The following XIRP2 variants were observed in gnomAD, a reference collection of about 807,000 sequenced individuals.
The protein encoded by XIRP2 is xin actin binding repeat containing 2.
In XIRP2, 236 loss-of-function variants were observed where a neutral mutation model predicts 277.0. That is an observed-to-expected ratio of 0.85 (90% CI 0.77 to 0.95). The LOEUF (loss-of-function observed/expected upper bound fraction) is 0.95. XIRP2 is among the 40% of genes least tolerant of loss of function. The probability of loss-of-function intolerance (pLI) is 0.00; values close to 1 mark genes in which losing one functional copy is unlikely to be tolerated. For synonymous variants in XIRP2, 1,490 were observed against 1,416.5 expected, an observed-to-expected ratio of 1.05 and a Z score of -1.17; for missense variants, 4,640 against 4,157.5, an observed-to-expected ratio of 1.12 and a Z score of -3.19.
chr2:166,895,924 T>C (rs1464443569), intron 1 of XIRP2, among the ~76,000 whole-genome samples: 1 of 152,310 alleles, frequency 6.6e-6, no homozygotes, highest in African/African-American at 2.4e-5. Context: ...TACATAGATA[T>C]ACTAAGAAGA....
intron 3 of XIRP2, among the ~76,000 whole-genome samples, chr2:167,196,454 A>T (rs73970886): frequency 9.0e-6 from 1 of 110,946 alleles, no homozygotes; most frequent in South Asian, 3.0e-4. Context: ...GTGTGTGTAG[A>T]CTGGCCACGA....
Position 167,250,222 on chromosome 2 carries a change from A to G in XIRP2, c.8830A>G (p.Ile2944Val), listed in dbSNP as rs781323589. 15 of 1,613,536 alleles carry G rather than the reference A, an allele frequency of 9.3e-6. No homozygotes were observed. In the South Asian group the frequency reaches 1.3e-4, roughly 14 times the overall value. The change falls in exon 9 of 11, where the codon ATA becomes GTA. Residue 2944 changes from isoleucine to valine, a missense_variant. Transcript: ENST00000409195. ...GGATGATGGAAAAGGTGCCTTAAAT[A>G]TAGTGGAATTCTTGAGAAAACGTGA... ...QRDDGKGALN[I>V]VEFLRKREEL...
intron 2 of XIRP2, among the ~76,000 whole-genome samples, chr2:166,907,869 G>GT (rs1471223428): frequency 6.7e-6 from 1 of 149,292 alleles, no homozygotes; most frequent in South Asian, 2.1e-4. Context: ...GCAGTGTTTG[G>GT]TTTTTTGTCT....
At chr2:166,988,220 C>T (rs1687065623) in intron 2 of XIRP2, among the ~76,000 whole-genome samples, 1 of 152,088 alleles carries the variant, frequency 6.6e-6, no homozygotes, top group African/African-American at 2.4e-5. Flanking sequence ...TGTATTATTG[C>T]CAAATACCTG....
chr2:166,951,293 A>G (rs545251152), intron 2 of XIRP2, among the ~76,000 whole-genome samples: 17 of 152,156 alleles, frequency 1.1e-4, no homozygotes, highest in African/African-American at 4.1e-4. Flanking sequence ...CAGGCTGTAC[A>G]GGAAGCATGG....
At chr2:166,919,311 A>G (rs566254031) in intron 2 of XIRP2, among the ~76,000 whole-genome samples, 1 of 152,294 alleles carries the variant, frequency 6.6e-6, no homozygotes, top group South Asian at 2.1e-4. Context: ...AGCTCCATTA[A>G]TGTTTCTCAT....
At chr2:166,967,730 T>C (rs1310778680) in intron 2 of XIRP2, among the ~76,000 whole-genome samples, 3 of 151,986 alleles carry the variant, frequency 2.0e-5, no homozygotes, top group East Asian at 1.9e-4. Flanking sequence ...GTCAGTAGTT[T>C]TACTATTTCA....
intron 2 of XIRP2, among the ~76,000 whole-genome samples, chr2:167,109,290 CT>C (rs1240263710): frequency 5.3e-5 from 8 of 151,890 alleles, no homozygotes; most frequent in Non-Finnish European, 1.0e-4. Flanking sequence ...TCTCCTTCTC[CT>C]TCTCCTTCCA....
At chr2:166,916,245 T>A (rs1213841327) in intron 2 of XIRP2, among the ~76,000 whole-genome samples, 1 of 152,210 alleles carries the variant, frequency 6.6e-6, no homozygotes, top group Non-Finnish European at 1.5e-5. Flanking sequence ...CATTAGATGC[T>A]AGAATTTATC....
intron 2 of XIRP2, among the ~76,000 whole-genome samples, chr2:167,114,129 T>A (rs1690831038): frequency 6.6e-6 from 1 of 152,190 alleles, no homozygotes; most frequent in Non-Finnish European, 1.5e-5. Context: ...TTCTGCAACA[T>A]CTTGCAGGGG....
rs2105440761 is a variant in XIRP2 at position 167,246,818 on chromosome 2, T to A, written c.5426T>A (p.Ile1809Asn). The change falls in exon 9 of 11, where the codon ATC becomes AAC. Residue 1809 changes from isoleucine to asparagine, a missense_variant. By Grantham distance (149) the Ile-to-Asn change is moderately radical. Coordinates refer to ENST00000409195, the MANE Select transcript of XIRP2 (RefSeq NM_152381.6). ...VERTVSETDI[I>N]PGDVHNTVKV... is the part of the protein sequence containing the mutation. ...CGTACTGTTAGTGAAACTGACATCA[T>A]CCCTGGAGATGTGCATAACACAGTT... The A allele has an allele frequency of 6.2e-7, 1 of 1,613,852 alleles. No individual in the cohort carries two copies. Among genetic ancestry groups the A allele is most frequent in the African/African-American group, 1.3e-5 (1 of 74,998 alleles).
chr2:167,048,435 A>T (rs1168705919), intron 2 of XIRP2, among the ~76,000 whole-genome samples: 1 of 151,916 alleles, frequency 6.6e-6, no homozygotes, highest in Non-Finnish European at 1.5e-5. Context: ...CAATCTGATG[A>T]TTCTAATAAT....
intron 2 of XIRP2, among the ~76,000 whole-genome samples, chr2:167,021,677 T>C (rs1687986287): frequency 6.6e-6 from 1 of 151,790 alleles, no homozygotes; most frequent in Non-Finnish European, 1.5e-5. Flanking sequence ...AATAAAAAAT[T>C]AGGCCAGTGT....
intron 3 of XIRP2, among the ~76,000 whole-genome samples, chr2:167,168,654 G>A (rs768671738): frequency 2.0e-5 from 3 of 151,948 alleles, no homozygotes; most frequent in African/African-American, 7.3e-5. Context: ...TCGCTCTGTC[G>A]CCCAGGCTGG....
chr2:167,023,790 G>T (rs1261512632), intron 2 of XIRP2, among the ~76,000 whole-genome samples: 1 of 151,930 alleles, frequency 6.6e-6, no homozygotes, highest in Non-Finnish European at 1.5e-5. Context: ...ATTTCTGAGG[G>T]ATCTGTTCTG....
In XIRP2 at chr2:167,246,831, G is replaced by A. The variant is rs938825834; in HGVS notation, c.5439G>A (p.Val1813=). The change falls in exon 9 of 11, where the codon GTG becomes GTA. Residue 1813 remains valine, a synonymous_variant. Coordinates refer to ENST00000409195, the MANE Select transcript of XIRP2 (RefSeq NM_152381.6). ...VSETDIIPGD[V]HNTVKVFMTE... The stretch of plus-strand genomic sequence containing the variant: ...AAACTGACATCATCCCTGGAGATGT[G>A]CATAACACAGTTAAGGTTTTTATGA... 6.2e-7 allele frequency: 1 copy of A among 1,613,728 alleles called. No individual in the cohort carries two copies. Among genetic ancestry groups the A allele is most frequent in the Non-Finnish European group, 8.5e-7 (1 of 1,179,840 alleles).
At chr2:167,126,207 ACT>A (rs570210205) in intron 2 of XIRP2, among the ~76,000 whole-genome samples, 96 of 149,452 alleles carry the variant, frequency 6.4e-4, no homozygotes, top group African/African-American at 2.1e-3. Flanking sequence ...TCACACTCTC[ACT>A]CTCTCTTTCT....
chr2:167,213,572 A>G (rs1236413514), intron 4 of XIRP2, among the ~76,000 whole-genome samples: 1 of 152,214 alleles, frequency 6.6e-6, no homozygotes, highest in East Asian at 1.9e-4. Context: ...AATAATAAGA[A>G]ACACAGAATA....
At chr2:167,184,226 C>A (rs1453089622) in intron 3 of XIRP2, among the ~76,000 whole-genome samples, 2 of 152,170 alleles carry the variant, frequency 1.3e-5, no homozygotes, top group Non-Finnish European at 2.9e-5. Flanking sequence ...CCCAGATTAT[C>A]AAGCCATTTC....
Sources: gnomAD v4.1 joint callset for allele counts (sites outside exome capture counted in the v4.1 genomes callset) on GRCh38, gnomAD v4.1.1 for gene constraint, MANE v1.5 for transcripts, NCBI Gene and HGNC (gene_info 2026-07-23, HGNC 2026-07-21) for gene names.